Variants in GALNT2 observed in about 807,000 individuals in gnomAD.
GALNT2 encodes the protein UDP-GalNAc:polypeptide N-acetylgalactosaminyltransferase 2.
A neutral mutation model predicts 81.4 loss-of-function variants in GALNT2; 31 were observed. That is an observed-to-expected ratio of 0.38 (90% confidence interval 0.29 to 0.51). The LOEUF (loss-of-function observed/expected upper bound fraction) is 0.51, where lower values mean the gene tolerates loss of function less well. Among genes scored for constraint, GALNT2 ranks in the 20% least tolerant of loss-of-function variants. The pLI, the probability that GALNT2 is intolerant of heterozygous loss-of-function variation, is 0.87. For missense variants in GALNT2, 629 were observed against 765.7 expected, an observed-to-expected ratio of 0.82 and a Z score of 2.11; for synonymous variants, 303 against 287.4, an observed-to-expected ratio of 1.05 and a Z score of -0.55.
rs374194116 is a variant in GALNT2, at chr1:230,274,584, G to T, written c.1560+20G>T. 4.3e-6 allele frequency: 7 copies of T among 1,612,684 alleles called. No individual in the cohort carries two copies. The highest frequency in any genetic ancestry group is 5.9e-6 in the Non-Finnish European group (7 of 1,179,586). Reference sequence around the variant, plus strand: ...AGACAGGTACGGCTTGCAGGCACCCGTGGGTGCCCGTGATTAACCCAGACC... The same window carrying T: ...AGACAGGTACGGCTTGCAGGCACCCTTGGGTGCCCGTGATTAACCCAGACC... On this transcript the variant is annotated intron_variant, in intron 15 of 15. Coordinates refer to ENST00000366672, the MANE Select transcript of GALNT2 (RefSeq NM_004481.5).
At position 230,255,372 on chromosome 1, in the gene GALNT2, C is replaced by A. The variant is rs749708738; in HGVS notation, c.1136+28C>A. The A allele has an allele frequency of 1.9e-6, 3 of 1,613,914 alleles. No individual in the cohort carries two copies. In the South Asian group the frequency reaches 3.3e-5, roughly 18 times the overall value. ...AAGTAGTGAAAGGCTGAGCGGGGTC[C>A]AAAACATTGATGACTACCCTGAAAG... On this transcript the variant is annotated intron_variant, in intron 11 of 15. Transcript: ENST00000366672.
At chr1:230,232,374 G>C (rs990248859) in intron 3 of GALNT2, among the ~76,000 whole-genome samples, 1 of 152,116 alleles carries the variant, frequency 6.6e-6, no homozygotes, top group Non-Finnish European at 1.5e-5. Flanking sequence ...GCAGCTCTGC[G>C]TGTTCTGAAA....
intron 1 of GALNT2, among the ~76,000 whole-genome samples, chr1:230,117,713 G>A (rs1380036347): frequency 6.6e-6 from 1 of 152,192 alleles, no homozygotes; most frequent in African/African-American, 2.4e-5. Context: ...ACTGATCACA[G>A]ATCACCATAA....
chr1:230,167,852 A>G (rs1211482265), intron 1 of GALNT2, among the ~76,000 whole-genome samples: 1 of 150,960 alleles, frequency 6.6e-6, no homozygotes, highest in East Asian at 2.0e-4. Flanking sequence ...TGAGGGCTTC[A>G]CCTCTCTCCT....
intron 1 of GALNT2, among the ~76,000 whole-genome samples, chr1:230,075,229 G>T (rs546911720): frequency 2.0e-5 from 3 of 148,426 alleles, no homozygotes; most frequent in African/African-American, 7.4e-5. Flanking sequence ...GGGTTCAAGC[G>T]ATTCTTGTGC....
At chr1:230,235,936 C>T (rs1665012391) in intron 3 of GALNT2, 78 bp from the exon 4 acceptor site, 2 of 1,343,232 alleles carry the variant, frequency 1.5e-6, no homozygotes, top group Non-Finnish European at 1.1e-6. Context: ...GGTCAGTCTG[C>T]CTGTTCTCTG....
In GALNT2 at chr1:230,243,382, G is replaced by A. The variant is rs746029098; in HGVS notation, c.684G>A (p.Glu228=). The A allele has an allele frequency of 4.3e-6, 7 of 1,612,708 alleles. 1 individual carries two copies. In the South Asian group the frequency reaches 6.6e-5, roughly 15 times the overall value. ...KVLTFLDSHC[E]CNEHWLEPLL... ...TGACCTTCCTGGACAGTCACTGCGA[G>A]TGTAATGAGCACTGGCTGGAGCCCC... The change falls in exon 7 of 16, where the codon GAG becomes GAA. Residue 228 remains glutamate, a synonymous_variant. Coordinates refer to ENST00000366672, the MANE Select transcript of GALNT2 (RefSeq NM_004481.5). This position sits in a 1 kb window ranked among gnomAD's most constrained non-coding sequence, Gnocchi z 4.2.
chr1:230,178,300 C>A lies in GALNT2; in HGVS notation c.209C>A (p.Thr70Asn). ...NGEEKAQSMETLPPGKVRWPD... is the reference protein window; with the variant it reads ...NGEEKAQSMENLPPGKVRWPD... The stretch of plus-strand genomic sequence containing the variant: ...GAAGAGAAAGCACAAAGCATGGAGA[C>A]CCTCCCTCCAGGTACTGCCAGGGGC... The change falls in exon 2 of 16, where the codon ACC (threonine) becomes AAC (asparagine). Residue 70 changes from threonine (T) to asparagine (N), a missense_variant. Around this residue, in one of 3 missense-constraint regions of GALNT2, gnomAD observed 360 missense variants for 492.8 expected, o/e 0.73. Coordinates refer to ENST00000366672, the MANE Select transcript of GALNT2 (RefSeq NM_004481.5). The A allele has an allele frequency of 6.2e-7, 1 of 1,613,628 alleles. No homozygotes were observed. Among genetic ancestry groups the A allele is most frequent in the Non-Finnish European group, 8.5e-7 (1 of 1,179,684 alleles).
chr1:230,256,361 G>T lies in GALNT2; in HGVS notation c.1136+1017G>T, dbSNP rs1008291170. Among the ~76,000 whole-genome samples the T allele has an allele frequency of 4.0e-5, 6 of 151,640 alleles. No homozygotes were observed. In the South Asian group the frequency reaches 1.2e-3, roughly 32 times the overall value. Reference sequence around the variant, plus strand: ...CTCGGGAGGCTGAGGCAGGAAAATCGCTTGAACTCGGGAGGTGGAGTTTGC... The same window carrying T: ...CTCGGGAGGCTGAGGCAGGAAAATCTCTTGAACTCGGGAGGTGGAGTTTGC... On this transcript the variant is annotated intron_variant, in intron 11 of 15. Coordinates refer to ENST00000366672, the MANE Select transcript of GALNT2 (RefSeq NM_004481.5).
chr1:230,196,788 C>G (rs1663710051), intron 2 of GALNT2, among the ~76,000 whole-genome samples: 1 of 152,130 alleles, frequency 6.6e-6, no homozygotes, highest in South Asian at 2.1e-4. Flanking sequence ...CCTCAATAGC[C>G]CTCTGGGTGA....
intron 1 of GALNT2, among the ~76,000 whole-genome samples, chr1:230,162,076 G>C (rs1260196342): frequency 1.3e-5 from 2 of 152,108 alleles, no homozygotes; most frequent in Non-Finnish European, 2.9e-5. Context: ...GGTTTTGCTG[G>C]TAAGATTCAG....
intron 1 of GALNT2, among the ~76,000 whole-genome samples, chr1:230,157,645 A>G (rs924507066): frequency 6.6e-6 from 1 of 152,132 alleles, no homozygotes; most frequent in African/African-American, 2.4e-5. Context: ...GTGGCGGGAT[A>G]CCTCCTGCAG....
intron 13 of GALNT2, 85 bp downstream of exon 13, chr1:230,263,090 T>A: frequency 8.7e-7 from 1 of 1,152,860 alleles, no homozygotes; most frequent in South Asian, 1.2e-5. Flanking sequence ...GAAATGGAGG[T>A]GGGGCTGCAG....
intron 3 of GALNT2, among the ~76,000 whole-genome samples, chr1:230,205,753 G>A (rs924967978): frequency 6.6e-6 from 1 of 152,170 alleles, no homozygotes; most frequent in African/African-American, 2.4e-5. Flanking sequence ...AGGGTCCCAG[G>A]TGTGTACTTC....
chr1:230,111,194 ATGCC>A (rs1178330508), intron 1 of GALNT2, among the ~76,000 whole-genome samples: 7 of 152,250 alleles, frequency 4.6e-5, no homozygotes, highest in African/African-American at 7.2e-5. Flanking sequence ...AGTGCATAGT[ATGCC>A]TGCATGTACA....
intron 2 of GALNT2, among the ~76,000 whole-genome samples, chr1:230,200,287 C>T (rs532351130): frequency 5.2e-4 from 79 of 152,206 alleles, no homozygotes; most frequent in Admixed American, 4.4e-3. Flanking sequence ...TGGTCTCGAA[C>T]GCCTGGCCTC....
chr1:230,104,080 T>C (rs1184067598), intron 1 of GALNT2, among the ~76,000 whole-genome samples: 5 of 152,158 alleles, frequency 3.3e-5, no homozygotes, highest in Admixed American at 6.5e-5. Context: ...GTTTGGTAAA[T>C]GGCTTCATTT....
intron 1 of GALNT2, among the ~76,000 whole-genome samples, chr1:230,091,029 C>A (rs886902020): frequency 9.2e-5 from 14 of 152,124 alleles, no homozygotes; most frequent in African/African-American, 3.1e-4. Context: ...GCCAGCACTC[C>A]TGGGGTGTGT....
At chr1:230,198,905 T>C (rs1663797202) in intron 2 of GALNT2, among the ~76,000 whole-genome samples, 1 of 152,338 alleles carries the variant, frequency 6.6e-6, no homozygotes, top group South Asian at 2.1e-4. Context: ...TCTTTTCTCA[T>C]GTTATTTAAA....
Sources: allele counts gnomAD v4.1 joint callset (sites outside exome capture counted in the v4.1 genomes callset), GRCh38; gene constraint gnomAD v4.1.1; regional missense constraint gnomAD v4.1.1; non-coding constraint Gnocchi (gnomAD v3.1); transcripts MANE v1.5; gene names NCBI Gene and HGNC (gene_info 2026-07-23, HGNC 2026-07-21).